The following CBLB variants were observed in gnomAD, a reference collection of about 807,000 sequenced individuals.
The protein encoded by CBLB is Cbl proto-oncogene B.
In CBLB, 31 loss-of-function variants were observed where a neutral mutation model predicts 104.9. The observed-to-expected ratio is 0.30, with a 90% CI of 0.22 to 0.40. The LOEUF is 0.40. CBLB is among the 10% of genes least tolerant of loss of function. The pLI is 1.00. For synonymous variants in CBLB, 440 were observed against 422.6 expected, an observed-to-expected ratio of 1.04 and a Z score of -0.51; for missense variants, 1,062 against 1,214.6, an observed-to-expected ratio of 0.87 and a Z score of 1.87.
At chr3:105,804,390 A>G (rs959078657) in intron 3 of CBLB, among the ~76,000 whole-genome samples, 1 of 151,922 alleles carries the variant, frequency 6.6e-6, no homozygotes, top group African/African-American at 2.4e-5. Context: ...GCGTGGTGGC[A>G]GGCGCCTGTG....
intron 3 of CBLB, among the ~76,000 whole-genome samples, chr3:105,779,200 C>T (rs1253937169): frequency 7.2e-5 from 11 of 152,296 alleles, no homozygotes; most frequent in East Asian, 3.9e-4. Flanking sequence ...TGAAACACAA[C>T]GCCAGTGATT....
At position 105,685,484 on chromosome 3, in the gene CBLB, A is replaced by T; in HGVS notation, c.2055-18T>A. ...CAGTACACCTACCAGGGGAAAAAAA[A>T]TCCAATCTAGTTTAAGCATAATATT... On this transcript the variant is annotated intron_variant, in intron 13 of 18. Transcript: ENST00000394030. The T allele has an allele frequency of 6.2e-7, 1 of 1,608,082 alleles. No individual in the cohort carries two copies. The highest frequency in any genetic ancestry group is 1.3e-5 in the African/African-American group (1 of 74,912).
intron 3 of CBLB, among the ~76,000 whole-genome samples, chr3:105,786,392 C>G (rs2081026965): frequency 6.6e-6 from 1 of 152,098 alleles, no homozygotes; most frequent in African/African-American, 2.4e-5. Flanking sequence ...GAATAGATTT[C>G]CAGACTCACT....
chr3:105,863,644 T>TATG (rs1418807799), intron 2 of CBLB, among the ~76,000 whole-genome samples: 2 of 152,168 alleles, frequency 1.3e-5, no homozygotes, highest in African/African-American at 4.8e-5. Flanking sequence ...TAAAATATAT[T>TATG]ATGATCACAA....
intron 3 of CBLB, among the ~76,000 whole-genome samples, chr3:105,833,125 T>C (rs2087830437): frequency 6.6e-6 from 1 of 152,020 alleles, no homozygotes; most frequent in Non-Finnish European, 1.5e-5. Context: ...TCTAGAAAGG[T>C]AGATGATGAA....
At chr3:105,731,035 T>TC (rs2074259883) in intron 9 of CBLB, among the ~76,000 whole-genome samples, 1 of 152,170 alleles carries the variant, frequency 6.6e-6, no homozygotes, top group Non-Finnish European at 1.5e-5. Context: ...GAACATATCT[T>TC]CATATAAGGT....
At chr3:105,791,928 T>C (rs191974626) in intron 3 of CBLB, among the ~76,000 whole-genome samples, 3 of 152,346 alleles carry the variant, frequency 2.0e-5, no homozygotes, top group African/African-American at 7.2e-5. Context: ...TAATACAATA[T>C]CTTGTTTACA....
intron 10 of CBLB, 149 bp downstream of exon 10, chr3:105,719,898 T>G: frequency 1.4e-6 from 1 of 709,506 alleles, no homozygotes; most frequent in East Asian, 2.7e-5. Flanking sequence ...GTGATATTGA[T>G]GATCCTGACC....
intron 18 of CBLB, 53 bp from the exon 19 acceptor site, chr3:105,659,282 G>A (rs1009546249): frequency 1.5e-5 from 22 of 1,502,650 alleles, no homozygotes; most frequent in Non-Finnish European, 2.0e-5. Flanking sequence ...TAAAAATGAA[G>A]GCAAGATAAC....
chr3:105,860,234 G>C (rs1261269688), intron 2 of CBLB, among the ~76,000 whole-genome samples: 1 of 152,188 alleles, frequency 6.6e-6, no homozygotes, highest in Non-Finnish European at 1.5e-5. Flanking sequence ...AGGAGGAAGA[G>C]GAGGAGGAAG....
chr3:105,809,053 G>A (rs1039746742), intron 3 of CBLB, among the ~76,000 whole-genome samples: 1 of 152,088 alleles, frequency 6.6e-6, no homozygotes, highest in Non-Finnish European at 1.5e-5. Flanking sequence ...CTACCTGCAC[G>A]CACCCATCTG....
chr3:105,819,948 A>G (rs1276349410), intron 3 of CBLB, among the ~76,000 whole-genome samples: 1 of 152,160 alleles, frequency 6.6e-6, no homozygotes, highest in East Asian at 1.9e-4. Flanking sequence ...TGGTTTCAGG[A>G]TGATCCAAGT....
At chr3:105,847,994 A>G (rs2090493232) in intron 3 of CBLB, among the ~76,000 whole-genome samples, 1 of 151,920 alleles carries the variant, frequency 6.6e-6, no homozygotes, top group African/African-American at 2.4e-5. Flanking sequence ...ACTTCTCCAC[A>G]TGTTCTTTAC....
chr3:105,748,502 C>A (rs1380669091), intron 5 of CBLB, among the ~76,000 whole-genome samples: 3 of 152,078 alleles, frequency 2.0e-5, no homozygotes, highest in African/African-American at 7.2e-5. Flanking sequence ...TTTTTTCTAA[C>A]AGTGGGGATA....
At chr3:105,750,305 T>G (rs1418509982) in intron 5 of CBLB, among the ~76,000 whole-genome samples, 3 of 152,122 alleles carry the variant, frequency 2.0e-5, no homozygotes, top group Non-Finnish European at 4.4e-5. Flanking sequence ...TGCATTGTGG[T>G]TTTTATTACA....
chr3:105,692,685 G>T (rs1455758897), intron 13 of CBLB, among the ~76,000 whole-genome samples: 1 of 151,954 alleles, frequency 6.6e-6, no homozygotes, highest in African/African-American at 2.4e-5. Flanking sequence ...TGGAAAAAGG[G>T]AAACAATGCT....
chr3:105,727,345 G>A (rs996593838), intron 9 of CBLB, among the ~76,000 whole-genome samples: 3 of 152,058 alleles, frequency 2.0e-5, no homozygotes, highest in Admixed American at 1.3e-4. Flanking sequence ...CTGCATAAAT[G>A]TCTTCTTTTG....
Position 105,740,610 on chromosome 3 carries a change from G to A in CBLB, c.867C>T (p.Cys289=). The A allele has an allele frequency of 6.2e-7, 1 of 1,613,854 alleles. No homozygotes were observed. The highest frequency in any genetic ancestry group is 8.5e-7 in the Non-Finnish European group (1 of 1,179,812). Residue 289 remains cysteine (C), a synonymous_variant, in exon 7 of 19, where the codon TGC becomes TGT. Coordinates refer to ENST00000394030, the MANE Select transcript of CBLB (RefSeq NM_170662.5). The part of the protein sequence containing the change: ...KPGSYIFRLS[C]TRLGQWAIGY... ...CAATGGCCCACTGTCCCAATCGAGT[G>A]CAACTTAACCGGAAAATATAGCTGC...
intron 2 of CBLB, among the ~76,000 whole-genome samples, chr3:105,863,526 A>C (rs964693396): frequency 6.6e-6 from 1 of 152,252 alleles, no homozygotes; most frequent in East Asian, 1.9e-4. Flanking sequence ...GTCTTAGTCC[A>C]CATGGAATAT....
Sources: gnomAD v4.1 joint callset for allele counts (sites outside exome capture counted in the v4.1 genomes callset) on GRCh38, gnomAD v4.1.1 for gene constraint, MANE v1.5 for transcripts, NCBI Gene and HGNC (gene_info 2026-07-23, HGNC 2026-07-21) for gene names.